The following QTGAL variants were observed in gnomAD, a reference collection of about 807,000 sequenced individuals.
QTGAL encodes queuosine-tRNA galactosyltransferase.
the QTGAL span, among the ~76,000 whole-genome samples, chr17:83,029,945 T>C: frequency 6.6e-6 from 1 of 152,188 alleles, no homozygotes; most frequent in African/African-American, 2.4e-5. Context: ...AAATCTGCCT[T>C]TCTTGACCTA....
the QTGAL span, among the ~76,000 whole-genome samples, chr17:83,045,894 AGAGATCGCG>A: frequency 0.03 from 4,535 of 152,046 alleles, 233 homozygotes; most frequent in African/African-American, 0.1. Flanking sequence ...GGCTCACAGC[AGAGATCGCG>A]ATCTCTGCCT....
chr17:82,987,682 T>C, the QTGAL span, among the ~76,000 whole-genome samples: 2 of 152,340 alleles, frequency 1.3e-5, no homozygotes, highest in African/African-American at 2.4e-5. Flanking sequence ...AGACTTGTAG[T>C]ATAGTTTGAA....
the QTGAL span, among the ~76,000 whole-genome samples, chr17:83,038,047 G>A: frequency 2.6e-4 from 40 of 152,218 alleles, no homozygotes; most frequent in East Asian, 6.8e-3. Context: ...AGCAAGCGGC[G>A]ACGTTATTAG....
the QTGAL span, chr17:83,051,722 C>T: frequency 1.3e-6 from 2 of 1,482,654 alleles, no homozygotes; most frequent in Non-Finnish European, 8.9e-7. Context: ...GGGCACCCTC[C>T]CCGCTGGCAC....
At chr17:83,028,890 G>A in the QTGAL span, among the ~76,000 whole-genome samples, 1 of 152,118 alleles carries the variant, frequency 6.6e-6, no homozygotes, top group African/African-American at 2.4e-5. Context: ...ACAGAAGGAT[G>A]AGCAAACAGT....
At chr17:82,965,818 C>T in the QTGAL span, 2 of 1,412,446 alleles carry the variant, frequency 1.4e-6, no homozygotes, top group East Asian at 2.4e-5. Context: ...AGTTTATTTC[C>T]ACAAAGTGTC....
chr17:82,951,962 T>TGGAGATGG, the QTGAL span, among the ~76,000 whole-genome samples: 1 of 149,762 alleles, frequency 6.7e-6, no homozygotes, highest in Non-Finnish European at 1.5e-5. Flanking sequence ...AATTAACACG[T>TGGAGATGG]GGAGATGGGG....
At chr17:83,006,907 C>A in the QTGAL span, 1 of 813,470 alleles carries the variant, frequency 1.2e-6, no homozygotes, top group Non-Finnish European at 1.5e-6. The surrounding 1 kb of genome is among the most constrained non-coding windows in gnomAD (Gnocchi z 5.8). Context: ...CAGGAACTTC[C>A]AAACAGTCTC....
chr17:83,027,648 G>C, the QTGAL span, among the ~76,000 whole-genome samples: 11 of 136,082 alleles, frequency 8.1e-5, no homozygotes, highest in Admixed American at 1.6e-4. Context: ...GCTACAGTGA[G>C]TCGAGATTGG....
chr17:83,050,621 C>T, the QTGAL span, among the ~76,000 whole-genome samples: 18 of 152,310 alleles, frequency 1.2e-4, no homozygotes, highest in Non-Finnish European at 2.5e-4. Context: ...AGCCTTTGGG[C>T]GACTGCTAAT....
the QTGAL span, among the ~76,000 whole-genome samples, chr17:83,019,437 G>A: frequency 2.6e-5 from 4 of 152,202 alleles, no homozygotes; most frequent in Admixed American, 2.0e-4. Flanking sequence ...TATAAGACAT[G>A]AGCAAGTCAT....
At chr17:82,994,449 A>G in the QTGAL span, among the ~76,000 whole-genome samples, 12 of 148,466 alleles carry the variant, frequency 8.1e-5, no homozygotes, top group East Asian at 3.9e-4. Flanking sequence ...AAAATCTAGG[A>G]AAAAAAATCA....
At chr17:82,959,735 T>TG in the QTGAL span, among the ~76,000 whole-genome samples, 1 of 151,852 alleles carries the variant, frequency 6.6e-6, no homozygotes, top group Non-Finnish European at 1.5e-5. Flanking sequence ...ACGCGAGGTT[T>TG]GGGGGGCCTC....
the QTGAL span, among the ~76,000 whole-genome samples, chr17:82,952,102 G>C: frequency 6.6e-6 from 1 of 152,244 alleles, no homozygotes; most frequent in Non-Finnish European, 1.5e-5. Flanking sequence ...TGCGCCAGTA[G>C]TTGCCAGAAA....
At chr17:83,047,382 G>A in the QTGAL span, among the ~76,000 whole-genome samples, 11 of 152,166 alleles carry the variant, frequency 7.2e-5, no homozygotes, top group African/African-American at 2.4e-4. Context: ...CTCGGGGTGG[G>A]CACAGACATT....
chr17:82,960,935 G>A, the QTGAL span: 1 of 1,382,570 alleles, frequency 7.2e-7, no homozygotes, highest in Non-Finnish European at 9.6e-7. Context: ...CAGACCCTGG[G>A]TCTCAAGGCA....
the QTGAL span, among the ~76,000 whole-genome samples, chr17:83,025,568 G>A: frequency 3.3e-5 from 4 of 119,608 alleles, no homozygotes; most frequent in East Asian, 2.6e-4. Context: ...CGGACACCGC[G>A]GAGAGTCCAC....
the QTGAL span, chr17:82,943,478 G>T: frequency 6.6e-6 from 1 of 152,236 alleles, no homozygotes; most frequent in Non-Finnish European, 1.5e-5. Context: ...TATGTGAGGA[G>T]CCCAGGGGTG....
the QTGAL span, chr17:82,956,755 G>A: frequency 6.3e-7 from 1 of 1,583,826 alleles, no homozygotes; most frequent in Non-Finnish European, 8.6e-7. The surrounding 1 kb of genome is among the most constrained non-coding windows in gnomAD (Gnocchi z 5.7). Context: ...TGGGGATTCG[G>A]GGCTTGGGTC....
Sources: allele counts gnomAD v4.1 joint callset (sites outside exome capture counted in the v4.1 genomes callset), GRCh38; gene constraint gnomAD v4.1.1; non-coding constraint Gnocchi (gnomAD v3.1); transcripts MANE v1.5; gene names NCBI Gene and HGNC (gene_info 2026-07-23, HGNC 2026-07-21).